Variants in LRP1B observed in about 807,000 individuals in gnomAD.
LRP1B encodes low-density lipoprotein receptor-related protein 1B.
Under a neutral mutation model 556.6 loss-of-function variants are expected in LRP1B, and 217 were observed. The ratio of observed to expected loss-of-function variants is 0.39; its 90% CI spans 0.35 to 0.44. The LOEUF (loss-of-function observed/expected upper bound fraction) is 0.44. LRP1B is among the 20% of genes least tolerant of loss of function. The probability of loss-of-function intolerance (pLI) is 1.00; values close to 1 mark genes in which losing one functional copy is unlikely to be tolerated. For missense variants in LRP1B, 5,053 were observed against 5,620.8 expected, an observed-to-expected ratio of 0.90 and a Z score of 3.23; for synonymous variants, 2,047 against 1,865.8, an observed-to-expected ratio of 1.10 and a Z score of -2.50.
intron 71 of LRP1B, among the ~76,000 whole-genome samples, chr2:140,366,559 T>G (rs1682771444): frequency 6.6e-6 from 1 of 151,492 alleles, no homozygotes; most frequent in Admixed American, 6.6e-5. Context: ...GAAAAACAGA[T>G]TGGGTAGGTA....
intron 7 of LRP1B, among the ~76,000 whole-genome samples, chr2:141,173,602 C>T (rs981982029): frequency 6.6e-6 from 1 of 152,086 alleles, no homozygotes; most frequent in Non-Finnish European, 1.5e-5. Flanking sequence ...TATTGTGGGG[C>T]TAAGTTTCTC....
intron 2 of LRP1B, among the ~76,000 whole-genome samples, chr2:141,663,112 A>G (rs6712100): frequency 0.42 from 64,385 of 152,046 alleles, 14,009 homozygotes; most frequent in Middle Eastern, 0.48. Flanking sequence ...AAATTAAGGC[A>G]GAAATCAAGT....
chr2:140,275,574 C>T (rs1187992059), intron 84 of LRP1B, among the ~76,000 whole-genome samples: 1 of 151,892 alleles, frequency 6.6e-6, no homozygotes, highest in African/African-American at 2.4e-5. Flanking sequence ...AGAACAAACC[C>T]AGGTATTTTC....
intron 1 of LRP1B, among the ~76,000 whole-genome samples, chr2:141,970,872 T>C (rs1701710824): frequency 6.6e-6 from 1 of 151,556 alleles, no homozygotes; most frequent in African/African-American, 2.4e-5. Flanking sequence ...AATTATTCTG[T>C]TTATTCATGA....
intron 2 of LRP1B, among the ~76,000 whole-genome samples, chr2:141,484,873 T>C (rs574222681): frequency 1.3e-5 from 2 of 152,238 alleles, no homozygotes; most frequent in Admixed American, 6.6e-5. Context: ...GCTGAGACGA[T>C]GGGGTTTTCT....
intron 7 of LRP1B, among the ~76,000 whole-genome samples, chr2:141,075,150 G>A (rs1045677113): frequency 6.6e-6 from 1 of 152,110 alleles, no homozygotes; most frequent in Non-Finnish European, 1.5e-5. Context: ...CTGGGAGGAG[G>A]ATGGATTAAA....
chr2:141,779,027 T>C (rs376557805), intron 2 of LRP1B, among the ~76,000 whole-genome samples: 52 of 152,292 alleles, frequency 3.4e-4, no homozygotes, highest in African/African-American at 1.2e-3. Flanking sequence ...TACTTAACCA[T>C]TTATATTATC....
intron 1 of LRP1B, among the ~76,000 whole-genome samples, chr2:142,083,042 G>T (rs1404872146): frequency 1.3e-5 from 2 of 152,140 alleles, no homozygotes; most frequent in East Asian, 3.9e-4. Flanking sequence ...AGATTTTGGG[G>T]TGATGAGGTG....
At chr2:142,001,184 T>TA (rs1702641992) in intron 1 of LRP1B, among the ~76,000 whole-genome samples, 1 of 152,156 alleles carries the variant, frequency 6.6e-6, no homozygotes, top group African/African-American at 2.4e-5. Flanking sequence ...CTTTATAAAT[T>TA]ACCCAGTCTG....
intron 7 of LRP1B, among the ~76,000 whole-genome samples, chr2:141,071,801 C>A (rs528805913): frequency 2.0e-5 from 3 of 152,028 alleles, no homozygotes; most frequent in Non-Finnish European, 4.4e-5. Context: ...CTACAAGGGA[C>A]GCGAAGGACC....
intron 2 of LRP1B, among the ~76,000 whole-genome samples, chr2:141,665,565 C>A (rs1329174710): frequency 2.0e-5 from 3 of 152,144 alleles, no homozygotes; most frequent in Non-Finnish European, 4.4e-5. Flanking sequence ...ACCCAGCAAT[C>A]CCATTGCTGA....
chr2:141,096,185 G>C (rs373048703), intron 7 of LRP1B, among the ~76,000 whole-genome samples: 7 of 152,058 alleles, frequency 4.6e-5, no homozygotes, highest in Non-Finnish European at 1.0e-4. Context: ...TAGGATAAAG[G>C]TTATTAAACT....
At chr2:141,887,755 T>C (rs938674254) in intron 1 of LRP1B, among the ~76,000 whole-genome samples, 3 of 152,202 alleles carry the variant, frequency 2.0e-5, no homozygotes, top group Admixed American at 2.0e-4. Context: ...ATATCGATCA[T>C]CACCTATTCT....
At chr2:140,835,818 C>T (rs571312903) in intron 31 of LRP1B, among the ~76,000 whole-genome samples, 125 of 152,286 alleles carry the variant, frequency 8.2e-4, no homozygotes, top group African/African-American at 2.9e-3. Flanking sequence ...GGATTACAGG[C>T]GTGAACCACC....
chr2:141,890,338 A>G (rs1285530847), intron 1 of LRP1B, among the ~76,000 whole-genome samples: 9 of 134,650 alleles, frequency 6.7e-5, no homozygotes, highest in Non-Finnish European at 1.3e-4. Context: ...ATATATATAT[A>G]TATATATATA....
chr2:141,566,527 T>C (rs1177873763), intron 2 of LRP1B, among the ~76,000 whole-genome samples: 3 of 152,214 alleles, frequency 2.0e-5, no homozygotes, highest in Non-Finnish European at 4.4e-5. Flanking sequence ...GTATCCACCA[T>C]TCTTTATTGG....
At chr2:141,051,274 T>A (rs1296329792) in intron 10 of LRP1B, among the ~76,000 whole-genome samples, 1 of 152,128 alleles carries the variant, frequency 6.6e-6, no homozygotes, top group African/African-American at 2.4e-5. Flanking sequence ...GTCCCATTAC[T>A]GGCTATATAC....
intron 7 of LRP1B, among the ~76,000 whole-genome samples, chr2:141,091,408 AAAC>A (rs977384142): frequency 3.9e-5 from 6 of 152,316 alleles, no homozygotes; most frequent in South Asian, 4.1e-4. Flanking sequence ...TAAAAAACAA[AAAC>A]AACAACAACA....
At chr2:140,836,829 G>A (rs1691921085) in intron 31 of LRP1B, among the ~76,000 whole-genome samples, 1 of 152,138 alleles carries the variant, frequency 6.6e-6, no homozygotes, top group Admixed American at 6.5e-5. Context: ...TATCAATCTT[G>A]GCACCTGCTT....
Sources: gnomAD v4.1 joint callset for allele counts (sites outside exome capture counted in the v4.1 genomes callset) on GRCh38, gnomAD v4.1.1 for gene constraint, MANE v1.5 for transcripts, NCBI Gene and HGNC (gene_info 2026-07-23, HGNC 2026-07-21) for gene names.